The following LHPP variants were observed in gnomAD, a reference collection of about 807,000 sequenced individuals.
LHPP encodes the protein hLHPP.
LHPP carries 24 observed loss-of-function variants against 30.3 expected under a neutral mutation model. The ratio of observed to expected loss-of-function variants is 0.79; its 90% CI spans 0.57 to 1.11. LHPP has a LOEUF of 1.11. LHPP is among the 50% of genes most tolerant of loss of function. The probability of loss-of-function intolerance (pLI) is 0.00; values close to 1 mark genes in which losing one functional copy is unlikely to be tolerated. For synonymous variants in LHPP, 150 were observed against 157.1 expected, an observed-to-expected ratio of 0.95 and a Z score of 0.34; for missense variants, 356 against 367.2, an observed-to-expected ratio of 0.97 and a Z score of 0.25.
chr10:124,556,391 C>T (rs1230177085), intron 6 of LHPP, among the ~76,000 whole-genome samples: 5 of 152,236 alleles, frequency 3.3e-5, no homozygotes, highest in South Asian at 2.1e-4. Context: ...CCTGCTCCCG[C>T]GTGTGGACGC....
chr10:124,559,708 C>T (rs931377411), intron 6 of LHPP, among the ~76,000 whole-genome samples: 3 of 152,236 alleles, frequency 2.0e-5, no homozygotes, highest in African/African-American at 4.8e-5. Context: ...AGGACTTCCT[C>T]GGCCAGTCTG....
rs564727637 is a variant in LHPP at position 124,574,448 on chromosome 10, G to A, written c.717-38816G>A. On this transcript the variant is annotated intron_variant, in intron 6 of 6. Coordinates refer to ENST00000368842, the MANE Select transcript of LHPP (RefSeq NM_022126.4). ...CAGAGAGCCTGGCTCGAGGATGGGC[G>A]GGAGCTCAGTCTGGCTTTGATCTGC... 7.9e-5 allele frequency among the ~76,000 whole-genome samples: 12 copies of A among 152,314 alleles called. No homozygotes were observed. The South Asian group carries it at 8.3e-4, about 11-fold the overall frequency.
chr10:124,497,268 TCCCC>T (rs1953749397), intron 4 of LHPP, among the ~76,000 whole-genome samples: 1 of 89,104 alleles, frequency 1.1e-5, no homozygotes, highest in African/African-American at 4.4e-5. Flanking sequence ...CTCCCCATCC[TCCCC>T]ATCCTCCCCA....
intron 6 of LHPP, among the ~76,000 whole-genome samples, chr10:124,545,561 G>A (rs1342792827): frequency 6.6e-6 from 1 of 152,184 alleles, no homozygotes; most frequent in Admixed American, 6.5e-5. Context: ...GCCTTATTGA[G>A]CTGTCAGCGG....
At position 124,596,290 on chromosome 10, in the gene LHPP, C is replaced by T. The variant is rs564104448; in HGVS notation, c.717-16974C>T. On this transcript the variant is annotated intron_variant, in intron 6 of 6. Coordinates refer to ENST00000368842, the MANE Select transcript of LHPP (RefSeq NM_022126.4). The surrounding 1 kb of genome is among the most constrained non-coding windows in gnomAD (Gnocchi z 4.6). Reference sequence around the variant, plus strand: ...TCAGGAGTGAGGTTGCTGGGTCCCGCGGCATTCATGTGTTTAGTGTAGGAG... The same window carrying T: ...TCAGGAGTGAGGTTGCTGGGTCCCGTGGCATTCATGTGTTTAGTGTAGGAG... Among the ~76,000 whole-genome samples, 9 of 152,164 alleles carry T rather than the reference C, an allele frequency of 5.9e-5. No homozygotes were observed. Among genetic ancestry groups the T allele is most frequent in the Admixed American group, 2.0e-4 (3 of 15,292 alleles).
At chr10:124,613,053 C>T (rs1007765751) in intron 6 of LHPP, 9 of 590,246 alleles carry the variant, frequency 1.5e-5, no homozygotes, top group East Asian at 1.4e-4. Context: ...GGGAGGTGTC[C>T]AGGTTGAGGG....
chr10:124,566,016 T>C (rs1948484579), intron 6 of LHPP, among the ~76,000 whole-genome samples: 1 of 152,228 alleles, frequency 6.6e-6, no homozygotes, highest in South Asian at 2.1e-4. Flanking sequence ...GCCGTCGCCG[T>C]ACCCCTGGGT....
chr10:124,585,982 C>T (rs1589695411), intron 6 of LHPP, among the ~76,000 whole-genome samples: 1 of 152,084 alleles, frequency 6.6e-6, no homozygotes, highest in Admixed American at 6.5e-5. Flanking sequence ...GCGGGGTTTT[C>T]CATGTTGGCC....
intron 1 of LHPP, among the ~76,000 whole-genome samples, chr10:124,462,683 A>G (rs1430375158): frequency 3.9e-5 from 6 of 152,176 alleles, no homozygotes; most frequent in African/African-American, 1.4e-4. Context: ...TGTTGAAATG[A>G]TATACTTTTT....
chr10:124,508,126 G>T, intron 5 of LHPP, among the ~76,000 whole-genome samples: 1 of 152,068 alleles, frequency 6.6e-6, no homozygotes, highest in South Asian at 2.1e-4. Context: ...GGGGAGGCTG[G>T]TGAGTGGGGA....
chr10:124,507,870 G>GA (rs1338340474), intron 5 of LHPP, among the ~76,000 whole-genome samples: 1 of 58,762 alleles, frequency 1.7e-5, no homozygotes, highest in Non-Finnish European at 3.7e-5. Context: ...GATTTCAGGT[G>GA]GGGGGGTAGG....
At chr10:124,498,600 C>T (rs1589797129) in intron 5 of LHPP, 2 of 804,866 alleles carry the variant, frequency 2.5e-6, no homozygotes, top group South Asian at 1.8e-5. Flanking sequence ...TTATTGTCTA[C>T]ACCTACCCCA....
chr10:124,490,483 G>A (rs1953487497), intron 3 of LHPP: 2 of 335,496 alleles, frequency 6.0e-6, no homozygotes, highest in African/African-American at 4.4e-5. Flanking sequence ...GCCAGCTCCG[G>A]GTCTTAGGCA....
chr10:124,470,648 TAACAACAAC>T lies in LHPP; in HGVS notation c.125+8688_125+8696del, dbSNP rs10682827. ...AGGTCCCTGGGAGTAGCAGCAATAG[TAACAACAAC>T]AACAACAACAACAACAACAACAACA... On this transcript the variant is annotated intron_variant, in intron 1 of 6. Coordinates refer to ENST00000368842, the MANE Select transcript of LHPP (RefSeq NM_022126.4). Among the ~76,000 whole-genome samples the T allele has an allele frequency of 4.0e-3, 580 of 145,020 alleles. 3 individuals are homozygous for T. Among genetic ancestry groups the T allele is most frequent in the African/African-American group, 0.014 (536 of 39,040 alleles).
intron 6 of LHPP, among the ~76,000 whole-genome samples, chr10:124,611,448 CTG>C (rs560307389): frequency 6.2e-4 from 95 of 152,006 alleles, no homozygotes; most frequent in Non-Finnish European, 9.9e-4. Context: ...TGCTCGGAGA[CTG>C]TGCAGGAGGG....
At position 124,546,449 on chromosome 10, in the gene LHPP, C is replaced by T. The variant is rs1955343269; in HGVS notation, c.716+29178C>T. Among the ~76,000 whole-genome samples, 4 of 152,336 alleles carry T rather than the reference C, an allele frequency of 2.6e-5. No homozygotes were observed. In the South Asian group the frequency reaches 8.3e-4, roughly 32 times the overall value. On this transcript the variant is annotated intron_variant, in intron 6 of 6. Coordinates refer to ENST00000368842, the MANE Select transcript of LHPP (RefSeq NM_022126.4). ...ACGGAGTCTCACTCTGTCGCCCAGG[C>T]TGGAGTGCAGTGGCGCGATCTCGGC...
intron 1 of LHPP, among the ~76,000 whole-genome samples, chr10:124,465,064 G>A (rs1026933667): frequency 6.6e-6 from 1 of 152,188 alleles, no homozygotes. Flanking sequence ...GGCCTAAGGG[G>A]TGTGAAGACG....
chr10:124,467,320 G>T (rs1436076420), intron 1 of LHPP, among the ~76,000 whole-genome samples: 1 of 150,692 alleles, frequency 6.6e-6, no homozygotes, highest in African/African-American at 2.5e-5. Context: ...GGGGTATTGT[G>T]GGGGTCAGGG....
chr10:124,504,509 C>T (rs1296834633), intron 5 of LHPP, among the ~76,000 whole-genome samples: 1 of 143,032 alleles, frequency 7.0e-6, no homozygotes, highest in Non-Finnish European at 1.5e-5. Context: ...CTGAGGTGGG[C>T]AGATTGCTTG....
Sources: gnomAD v4.1 joint callset for allele counts (sites outside exome capture counted in the v4.1 genomes callset) on GRCh38, gnomAD v4.1.1 for gene constraint, Gnocchi (gnomAD v3.1) non-coding constraint, MANE v1.5 for transcripts, NCBI Gene and HGNC (gene_info 2026-07-23, HGNC 2026-07-21) for gene names.